The following ERG variants were observed in gnomAD, a reference collection of about 807,000 sequenced individuals.
ERG encodes the protein transcriptional regulator ERG.
A neutral mutation model predicts 55.3 loss-of-function variants in ERG; 9 were observed. That is an observed-to-expected ratio of 0.16 (90% CI 0.10 to 0.28). The LOEUF (loss-of-function observed/expected upper bound fraction) is 0.28, where lower values mean the gene tolerates loss of function less well. Among genes scored for constraint, ERG ranks in the 10% least tolerant of loss-of-function variants. The pLI, the probability that ERG is intolerant of heterozygous loss-of-function variation, is 1.00. For synonymous variants in ERG, 223 were observed against 237.3 expected (o/e 0.94, Z 0.55); for missense variants, 434 against 631.6 (o/e 0.69, Z 3.35).
At chr21:38,571,122 C>T (rs979227066) in intron 2 of ERG, among the ~76,000 whole-genome samples, 1 of 152,140 alleles carries the variant, frequency 6.6e-6, no homozygotes, top group African/African-American at 2.4e-5. Flanking sequence ...CATCTGGGTG[C>T]ATCTTTGGTT....
chr21:38,478,909 G>A (rs951801267), intron 1 of ERG, among the ~76,000 whole-genome samples: 2 of 152,114 alleles, frequency 1.3e-5, no homozygotes, highest in African/African-American at 2.4e-5. Flanking sequence ...CACATAGAAT[G>A]GGGGTGACTG....
intron 2 of ERG, among the ~76,000 whole-genome samples, chr21:38,552,580 A>G (rs905388849): frequency 1.1e-4 from 16 of 152,164 alleles, no homozygotes; most frequent in Admixed American, 5.9e-4. Flanking sequence ...TAAACACAAA[A>G]ACCACATGAT....
chr21:38,526,101 G>A (rs1364034239), intron 2 of ERG, among the ~76,000 whole-genome samples: 2 of 152,188 alleles, frequency 1.3e-5, no homozygotes, highest in Non-Finnish European at 2.9e-5. Context: ...TCTGTTACAT[G>A]TGCAGGTGCT....
intron 1 of ERG, among the ~76,000 whole-genome samples, chr21:38,457,839 C>A (rs1001798050): frequency 6.6e-6 from 1 of 152,170 alleles, no homozygotes; most frequent in African/African-American, 2.4e-5. Flanking sequence ...ACTCATCCAA[C>A]CTGCACAGTA....
At position 38,400,084 on chromosome 21, in the gene ERG, T is replaced by A. The variant is rs1460761669; in HGVS notation, c.745+490A>T. 3 of 313,224 alleles carry A rather than the reference T, an allele frequency of 9.6e-6. No homozygotes were observed. In the Admixed American group the frequency reaches 1.4e-4, roughly 14 times the overall value. The allele number at this position is 313,224 out of a possible 1,614,324, so 19.4% of individuals were successfully genotyped here. A position where few individuals can be genotyped will look rare whatever the true frequency, so the allele number is the denominator to read the frequency against. On this transcript the variant is annotated intron_variant, in intron 6 of 9. Coordinates refer to ENST00000288319, the MANE Select transcript of ERG (RefSeq NM_182918.4). ...TGATAGATGTTTATTTTTGCATGAA[T>A]GGCATGTAAATTTATTACCTAATTA...
chr21:38,622,547 G>A (rs1029366629), intron 1 of ERG, among the ~76,000 whole-genome samples: 17 of 105,870 alleles, frequency 1.6e-4, no homozygotes, highest in South Asian at 9.6e-4. Context: ...ACCATACCAC[G>A]CACATACACA....
chr21:38,575,692 C>T, exon 2 of ERG: 1 of 1,614,036 alleles, frequency 6.2e-7, no homozygotes, highest in South Asian at 1.1e-5. Flanking sequence ...CCGGGACAGT[C>T]TGAATCATGT....
At chr21:38,377,254 T>C (rs1249138083), downstream of ERG, among the ~76,000 whole-genome samples, 9 of 152,220 alleles carry the variant, frequency 5.9e-5, no homozygotes, top group Admixed American at 4.6e-4. Flanking sequence ...ATTAGTATTA[T>C]TGTTTAAAGG....
At chr21:38,394,414 G>A (rs1359489674) in intron 6 of ERG, among the ~76,000 whole-genome samples, 3 of 151,218 alleles carry the variant, frequency 2.0e-5, no homozygotes, top group Admixed American at 6.6e-5. Context: ...GTGCAGTGGC[G>A]CGATCTCGGC....
chr21:38,602,955 G>T (rs2060173470), intron 1 of ERG, among the ~76,000 whole-genome samples: 2 of 151,906 alleles, frequency 1.3e-5, no homozygotes, highest in South Asian at 4.1e-4. Flanking sequence ...AACTCAGAAA[G>T]TTAACCTAGC....
intron 1 of ERG, among the ~76,000 whole-genome samples, chr21:38,623,125 GCA>G (rs2146946023): frequency 7.4e-6 from 1 of 134,430 alleles, no homozygotes; most frequent in African/African-American, 2.8e-5. Flanking sequence ...CGCACATCAT[GCA>G]CACACACCAC....
intron 2 of ERG, among the ~76,000 whole-genome samples, chr21:38,507,225 C>T (rs1244927856): frequency 1.3e-5 from 2 of 152,300 alleles, no homozygotes; most frequent in East Asian, 1.9e-4. Context: ...CACTGGCGCG[C>T]GCTGGAGGCG....
At chr21:38,587,314 G>A (rs1160464762), upstream of ERG, among the ~76,000 whole-genome samples, 1 of 152,148 alleles carries the variant, frequency 6.6e-6, no homozygotes, top group Admixed American at 6.5e-5. Flanking sequence ...AGGGGATGGG[G>A]GAGGGGGACG....
intron 1 of ERG, among the ~76,000 whole-genome samples, chr21:38,583,372 C>T (rs983049808): frequency 1.3e-5 from 2 of 152,226 alleles, no homozygotes; most frequent in African/African-American, 4.8e-5. Context: ...GGGAGCACCG[C>T]CCGAAATCCT....
At chr21:38,585,096 A>G (rs2060053972), upstream of ERG, among the ~76,000 whole-genome samples, 2 of 152,368 alleles carry the variant, frequency 1.3e-5, no homozygotes, top group Middle Eastern at 3.4e-3. Flanking sequence ...CCCCTTAAAA[A>G]AAGAGGGGAC....
intron 3 of ERG, among the ~76,000 whole-genome samples, chr21:38,404,224 G>A (rs1002562136): frequency 1.3e-5 from 2 of 152,082 alleles, no homozygotes; most frequent in African/African-American, 2.4e-5. Flanking sequence ...CCACAGAATC[G>A]GAAATGAAAT....
At chr21:38,457,936 C>A (rs1266977231) in intron 1 of ERG, among the ~76,000 whole-genome samples, 3 of 152,236 alleles carry the variant, frequency 2.0e-5, no homozygotes, top group Admixed American at 2.0e-4. Flanking sequence ...CTCTCTTCCA[C>A]TCTAGCAGAC....
intron 1 of ERG, among the ~76,000 whole-genome samples, chr21:38,658,625 T>TA (rs1365450899): frequency 2.6e-5 from 4 of 152,248 alleles, no homozygotes; most frequent in African/African-American, 9.6e-5. Flanking sequence ...TTACCCTACT[T>TA]ACAATGTGAG....
intron 1 of ERG, among the ~76,000 whole-genome samples, chr21:38,657,963 T>C (rs1375729790): frequency 1.3e-5 from 2 of 152,220 alleles, no homozygotes. Context: ...CATCGGAAAC[T>C]GTGCCCCAAA....
Sources: gnomAD v4.1 joint callset for allele counts (sites outside exome capture counted in the v4.1 genomes callset) on GRCh38, gnomAD v4.1.1 for gene constraint, MANE v1.5 for transcripts, NCBI Gene and HGNC (gene_info 2026-07-23, HGNC 2026-07-21) for gene names.